The following ENTPD1 variants were observed in gnomAD, a reference collection of about 807,000 sequenced individuals.
The protein encoded by ENTPD1 is ectonucleoside triphosphate diphosphohydrolase 1.
A neutral mutation model predicts 57.0 loss-of-function variants in ENTPD1; 33 were observed. The ratio of observed to expected loss-of-function variants is 0.58; its 90% CI spans 0.44 to 0.77. The LOEUF is 0.77. Ranked by LOEUF, ENTPD1 falls within the 30% of genes least tolerant of loss-of-function variation. The pLI, the probability that ENTPD1 is intolerant of heterozygous loss-of-function variation, is 0.00. For missense variants in ENTPD1, 501 were observed against 603.4 expected, an observed-to-expected ratio of 0.83 and a Z score of 1.78; for synonymous variants, 202 against 218.8, an observed-to-expected ratio of 0.92 and a Z score of 0.68.
chr10:95,780,522 TA>T (rs1366618745), intron 1 of ENTPD1, among the ~76,000 whole-genome samples: 20 of 152,334 alleles, frequency 1.3e-4, no homozygotes, highest in African/African-American at 4.8e-4. Context: ...TGTTTTGCTT[TA>T]TGAGTCTATG....
At chr10:95,728,572 C>T (rs968041059) in intron 1 of ENTPD1, among the ~76,000 whole-genome samples, 7 of 152,042 alleles carry the variant, frequency 4.6e-5, no homozygotes, top group Non-Finnish European at 8.8e-5. Context: ...ATGGATCCCA[C>T]GGTGTTATTC....
At chr10:95,850,397 T>A (rs2098442903) in intron 7 of ENTPD1, among the ~76,000 whole-genome samples, 1 of 152,140 alleles carries the variant, frequency 6.6e-6, no homozygotes, top group South Asian at 2.1e-4. Context: ...AGACCTAAAG[T>A]TTTTTTGTCT....
chr10:95,843,853 C>T (rs2098427582), intron 4 of ENTPD1, among the ~76,000 whole-genome samples: 1 of 152,134 alleles, frequency 6.6e-6, no homozygotes, highest in Admixed American at 6.5e-5. Flanking sequence ...TGTTGGGTAG[C>T]CTAGATCTTG....
Position 95,839,708 on chromosome 10 carries a change from T to C in ENTPD1, c.162T>C (p.Asp54=). 1 of 1,614,120 alleles carries C rather than the reference T, an allele frequency of 6.2e-7. No individual in the cohort carries two copies. Among genetic ancestry groups the C allele is most frequent in the Non-Finnish European group, 8.5e-7 (1 of 1,180,018 alleles). The change falls in exon 3 of 10, where the codon GAT becomes GAC. Residue 54 remains aspartate, a synonymous_variant. Coordinates refer to ENST00000371205, the MANE Select transcript of ENTPD1 (RefSeq NM_001776.6). Reference sequence around the variant, plus strand: ...GCTTTCAGTATGGGATTGTGCTGGATGCGGGTTCTTCTCACACAAGTTTAT... The same window carrying C: ...GCTTTCAGTATGGGATTGTGCTGGACGCGGGTTCTTCTCACACAAGTTTAT... ...PENVKYGIVL[D]AGSSHTSLYI...
intron 1 of ENTPD1, among the ~76,000 whole-genome samples, chr10:95,803,312 A>G (rs1022897958): frequency 6.6e-6 from 1 of 152,170 alleles, no homozygotes; most frequent in Non-Finnish European, 1.5e-5. Context: ...GAGCTAGTTT[A>G]CACTCCCACC....
At chr10:95,832,249 C>T (rs924810647) in intron 2 of ENTPD1, among the ~76,000 whole-genome samples, 1 of 152,122 alleles carries the variant, frequency 6.6e-6, no homozygotes, top group African/African-American at 2.4e-5. Flanking sequence ...ATCCTAGTTC[C>T]CCACTCTTAC....
At chr10:95,708,154 A>G (rs968641231), upstream of ENTPD1, among the ~76,000 whole-genome samples, 62 of 152,066 alleles carry the variant, frequency 4.1e-4, no homozygotes, top group African/African-American at 1.4e-3. Context: ...AAGTTTTTAT[A>G]TGCATATGCC....
chr10:95,695,191 G>A, the ENTPD1 span, among the ~76,000 whole-genome samples: 5 of 151,974 alleles, frequency 3.3e-5, no homozygotes, highest in African/African-American at 9.7e-5. Context: ...GCTGTGAGTC[G>A]CTGTGCCTGG....
At chr10:95,796,174 A>G (rs1455157134) in intron 1 of ENTPD1, among the ~76,000 whole-genome samples, 2 of 152,178 alleles carry the variant, frequency 1.3e-5, no homozygotes, top group Admixed American at 6.5e-5. Flanking sequence ...GACATATGTA[A>G]CACTGCTATA....
intron 1 of ENTPD1, among the ~76,000 whole-genome samples, chr10:95,764,941 C>T (rs941184636): frequency 3.3e-5 from 5 of 152,026 alleles, no homozygotes; most frequent in East Asian, 1.9e-4. Flanking sequence ...AGGCTGGTCT[C>T]GAACTCCTGA....
chr10:95,793,315 T>C (rs2098213164), intron 1 of ENTPD1, among the ~76,000 whole-genome samples: 1 of 152,136 alleles, frequency 6.6e-6, no homozygotes, highest in Non-Finnish European at 1.5e-5. Flanking sequence ...GAGAGAAGTA[T>C]GGATGGGATA....
intron 2 of ENTPD1, chr10:95,839,419 C>G (rs2098418008): frequency 2.2e-6 from 1 of 457,730 alleles, no homozygotes; most frequent in African/African-American, 2.0e-5. Flanking sequence ...TTAGAATCAC[C>G]TAAGAAGCTT....
chr10:95,850,405 T>A (rs2098442916), intron 7 of ENTPD1, among the ~76,000 whole-genome samples: 1 of 152,228 alleles, frequency 6.6e-6, no homozygotes, highest in Non-Finnish European at 1.5e-5. Context: ...AGTTTTTTTG[T>A]CTGTTTCCTC....
chr10:95,733,838 G>T (rs1403582959), intron 1 of ENTPD1, among the ~76,000 whole-genome samples: 1 of 152,132 alleles, frequency 6.6e-6, no homozygotes, highest in Non-Finnish European at 1.5e-5. Context: ...TCCTACCCTG[G>T]CTCATTGTCA....
intron 7 of ENTPD1, among the ~76,000 whole-genome samples, chr10:95,849,166 G>A (rs188482674): frequency 7.1e-4 from 108 of 152,264 alleles, no homozygotes; most frequent in Non-Finnish European, 1.4e-3. Flanking sequence ...TCCAGAATAA[G>A]ATAAAATATT....
chr10:95,806,835 A>G (rs188121502), intron 1 of ENTPD1, among the ~76,000 whole-genome samples: 1 of 152,266 alleles, frequency 6.6e-6, no homozygotes, highest in Non-Finnish European at 1.5e-5. Flanking sequence ...AGAACAGCAA[A>G]TATTGCACAA....
chr10:95,696,133 C>T, the ENTPD1 span, among the ~76,000 whole-genome samples: 9 of 152,168 alleles, frequency 5.9e-5, no homozygotes, highest in Admixed American at 2.6e-4. Context: ...GTAATGTTTC[C>T]GGATCTTTTT....
intron 1 of ENTPD1, among the ~76,000 whole-genome samples, chr10:95,738,888 C>T (rs2097997346): frequency 6.6e-6 from 1 of 152,172 alleles, no homozygotes; most frequent in African/African-American, 2.4e-5. Flanking sequence ...AATTTGAAGT[C>T]ACACTTTGGA....
At chr10:95,809,907 C>G (rs375627802) in intron 1 of ENTPD1, among the ~76,000 whole-genome samples, 1 of 142,986 alleles carries the variant, frequency 7.0e-6, no homozygotes, top group Non-Finnish European at 1.5e-5. Flanking sequence ...ACTTCCCAGA[C>G]GGGGCAGCTG....
Sources: allele counts gnomAD v4.1 joint callset (sites outside exome capture counted in the v4.1 genomes callset), GRCh38; gene constraint gnomAD v4.1.1; transcripts MANE v1.5; gene names NCBI Gene and HGNC (gene_info 2026-07-23, HGNC 2026-07-21).